The following PTPRN2 variants were observed in gnomAD, a reference collection of about 807,000 sequenced individuals.
PTPRN2 encodes the protein receptor-type tyrosine-protein phosphatase N2.
In PTPRN2, 74 loss-of-function variants were observed where a neutral mutation model predicts 118.8. The observed-to-expected ratio is 0.62, with a 90% CI of 0.52 to 0.76. The LOEUF is 0.76. PTPRN2 is among the 30% of genes least tolerant of loss of function. PTPRN2 has a pLI of 0.00. For missense variants in PTPRN2, 1,481 were observed against 1,394.4 expected, an observed-to-expected ratio of 1.06 and a Z score of -0.99; for synonymous variants, 641 against 608.0, an observed-to-expected ratio of 1.05 and a Z score of -0.80.
At chr7:157,795,351 C>A (rs1804805150) in intron 12 of PTPRN2, among the ~76,000 whole-genome samples, 2 of 152,208 alleles carry the variant, frequency 1.3e-5, no homozygotes, top group Non-Finnish European at 2.9e-5. Flanking sequence ...CAAAGCTGGG[C>A]CCCAGCCACA....
In PTPRN2 at chr7:157,986,348, G is replaced by T. The variant is rs1163888594; in HGVS notation, c.1724-87611C>A. On this transcript the variant is annotated intron_variant, in intron 11 of 22. Transcript: ENST00000389418. This position sits in a 1 kb window ranked among gnomAD's most constrained non-coding sequence, Gnocchi z 4.5. ...CCATGGACTCTGGCGGCAGATAATG[G>T]CCTGAGAGGTCAGCTAGTCCAATTG... Among the ~76,000 whole-genome samples the T allele has an allele frequency of 2.0e-5, 3 of 152,192 alleles. No homozygotes were observed. The highest frequency in any genetic ancestry group is 4.4e-5 in the Non-Finnish European group (3 of 68,040).
At chr7:158,005,793 G>A (rs937067346) in intron 11 of PTPRN2, among the ~76,000 whole-genome samples, 1 of 152,214 alleles carries the variant, frequency 6.6e-6, no homozygotes, top group Non-Finnish European at 1.5e-5. Context: ...CCTCATGCAC[G>A]CTGAGGCACA....
At chr7:158,205,625 G>C (rs1297508757) in intron 3 of PTPRN2, among the ~76,000 whole-genome samples, 1 of 152,178 alleles carries the variant, frequency 6.6e-6, no homozygotes, top group Non-Finnish European at 1.5e-5. Flanking sequence ...CCAAATTTCA[G>C]GTGAGTGGTC....
intron 12 of PTPRN2, among the ~76,000 whole-genome samples, chr7:157,816,964 T>G (rs559280701): frequency 8.5e-5 from 13 of 152,366 alleles, no homozygotes; most frequent in African/African-American, 3.1e-4. Context: ...TCCAGGGCAC[T>G]GCAGATGGGC....
At chr7:157,669,777 C>T (rs563829449) in intron 13 of PTPRN2, among the ~76,000 whole-genome samples, 2 of 152,198 alleles carry the variant, frequency 1.3e-5, no homozygotes, top group South Asian at 2.1e-4. Context: ...AAAAAAGCGG[C>T]CTCTCCGCTC....
At chr7:158,403,223 C>T (rs561086894) in intron 2 of PTPRN2, among the ~76,000 whole-genome samples, 1 of 152,340 alleles carries the variant, frequency 6.6e-6, no homozygotes, top group Admixed American at 6.5e-5. Flanking sequence ...GCCAGGGGAG[C>T]ACATGTGAGC....
chr7:157,554,815 C>T (rs1229583977), intron 21 of PTPRN2, among the ~76,000 whole-genome samples: 2 of 152,266 alleles, frequency 1.3e-5, no homozygotes, highest in Non-Finnish European at 2.9e-5. Context: ...CGTTTTCCAC[C>T]TAAGAAGCAT....
rs1375751324 is a variant in PTPRN2, at chr7:157,690,402, T to A, written c.1789-7465A>T. ...TGCGCGCCCTCCAGCCTTCGAAAGC[T>A]CTCTTCCTCGCCCCACCACCTACGC... On this transcript the variant is annotated intron_variant, in intron 12 of 22. Transcript: ENST00000389418. This position sits in a 1 kb window ranked among gnomAD's most constrained non-coding sequence, Gnocchi z 7.1. Among the ~76,000 whole-genome samples, 1 of 152,012 alleles carries A rather than the reference T, an allele frequency of 6.6e-6. No homozygotes were observed. The highest frequency in any genetic ancestry group is 1.5e-5 in the Non-Finnish European group (1 of 67,970).
In PTPRN2 at chr7:157,983,776, G is replaced by A. The variant is rs190512833; in HGVS notation, c.1724-85039C>T. Among the ~76,000 whole-genome samples, 7 of 152,354 alleles carry A rather than the reference G, an allele frequency of 4.6e-5. No individual in the cohort carries two copies. In the East Asian group the frequency reaches 7.7e-4, roughly 17 times the overall value. On this transcript the variant is annotated intron_variant, in intron 11 of 22. Transcript: ENST00000389418. ...TCTCATGTGGCTGCTGGCCCAGGGA[G>A]GAGCGTTACGGACAACTGTTAAGTG...
chr7:158,031,910 C>T (rs1807716503), intron 11 of PTPRN2, among the ~76,000 whole-genome samples: 1 of 152,236 alleles, frequency 6.6e-6, no homozygotes, highest in Non-Finnish European at 1.5e-5. Flanking sequence ...TGCTCTGCAG[C>T]CGGCGCTCCG....
intron 6 of PTPRN2, among the ~76,000 whole-genome samples, chr7:158,142,840 G>C (rs541127938): frequency 6.6e-6 from 1 of 152,164 alleles, no homozygotes; most frequent in Non-Finnish European, 1.5e-5. Context: ...CCAGGTCAAC[G>C]GCACCCATGC....
At chr7:157,608,508 C>T (rs570898085) in intron 15 of PTPRN2, among the ~76,000 whole-genome samples, 8 of 152,282 alleles carry the variant, frequency 5.3e-5, no homozygotes, top group South Asian at 2.1e-4. Context: ...AACCGTTCCT[C>T]GTGCGGAGAG....
chr7:157,936,899 G>A (rs547030780), intron 11 of PTPRN2, among the ~76,000 whole-genome samples: 4 of 152,328 alleles, frequency 2.6e-5, no homozygotes, highest in South Asian at 4.1e-4. Context: ...CTGTCTTTCC[G>A]CCATGGCCAG....
intron 13 of PTPRN2, among the ~76,000 whole-genome samples, chr7:157,668,895 A>G (rs1244174426): frequency 2.6e-5 from 4 of 152,318 alleles, no homozygotes; most frequent in Non-Finnish European, 4.4e-5. Context: ...AAAAGAAAAA[A>G]AGGTTTCTTG....
chr7:158,038,763 AT>A (rs1356122272), intron 11 of PTPRN2, among the ~76,000 whole-genome samples: 2,745 of 110,684 alleles, frequency 0.025, 83 homozygotes, highest in African/African-American at 0.08. Flanking sequence ...ATATAGAAAT[AT>A]AAGATTATAC....
chr7:158,361,755 C>T (rs796151886), intron 2 of PTPRN2, among the ~76,000 whole-genome samples: 76 of 152,266 alleles, frequency 5.0e-4, no homozygotes, highest in African/African-American at 1.8e-3. Context: ...CCAACAAGGG[C>T]CCCAGGAAGG....
In PTPRN2 at chr7:157,987,295, G is replaced by A. The variant is rs1050751354; in HGVS notation, c.1724-88558C>T. Among the ~76,000 whole-genome samples the A allele has an allele frequency of 2.6e-5, 4 of 151,028 alleles. No homozygotes were observed. The highest frequency in any genetic ancestry group is 2.1e-4 in the South Asian group (1 of 4,750). The stretch of plus-strand genomic sequence containing the variant: ...GAACCTAAACGGGGGCAAGATGACC[G>A]GTCACTAAAGGGGGCGAGGTTACCA... On this transcript the variant is annotated intron_variant, in intron 11 of 22. Coordinates refer to ENST00000389418, the MANE Select transcript of PTPRN2 (RefSeq NM_002847.5). The surrounding 1 kb of genome is among the most constrained non-coding windows in gnomAD (Gnocchi z 4.3).
chr7:158,146,840 G>C (rs1054367669), intron 6 of PTPRN2, among the ~76,000 whole-genome samples: 4 of 151,978 alleles, frequency 2.6e-5, no homozygotes, highest in East Asian at 1.9e-4. Context: ...GGAGGCCAGA[G>C]AGACTTGACC....
intron 12 of PTPRN2, among the ~76,000 whole-genome samples, chr7:157,892,706 G>GA (rs201480634): frequency 0.022 from 3,342 of 151,224 alleles, 80 homozygotes; most frequent in African/African-American, 0.064. Flanking sequence ...ATTAAAATTA[G>GA]AAAAAAAAAT....
Sources: allele counts gnomAD v4.1 joint callset (sites outside exome capture counted in the v4.1 genomes callset), GRCh38; gene constraint gnomAD v4.1.1; non-coding constraint Gnocchi (gnomAD v3.1); transcripts MANE v1.5; gene names NCBI Gene and HGNC (gene_info 2026-07-23, HGNC 2026-07-21).